The following NUP43 variants were observed in gnomAD, a reference collection of about 807,000 sequenced individuals.
NUP43 encodes the protein nucleoporin 43.
In NUP43, 32 loss-of-function variants were observed where a neutral mutation model predicts 47.3. The observed-to-expected ratio is 0.68, with a 90% CI of 0.51 to 0.91. The LOEUF (loss-of-function observed/expected upper bound fraction) is 0.91. Ranked by LOEUF, NUP43 falls within the 40% of genes least tolerant of loss-of-function variation. The pLI, the probability that NUP43 is intolerant of heterozygous loss-of-function variation, is 0.00. For synonymous variants in NUP43, 147 were observed against 158.4 expected, an observed-to-expected ratio of 0.93 and a Z score of 0.54; for missense variants, 444 against 453.9, an observed-to-expected ratio of 0.98 and a Z score of 0.20.
chr6:149,728,213 C>A, intron 7 of NUP43: 1 of 983,178 alleles, frequency 1.0e-6, no homozygotes, highest in Non-Finnish European at 1.2e-6. Context: ...GAGCAGGATG[C>A]ATATTTTATA....
intron 7 of NUP43, 166 bp from the exon 8 acceptor site, chr6:149,727,364 C>T (rs1275169852): frequency 2.0e-6 from 2 of 982,874 alleles, no homozygotes; most frequent in Admixed American, 1.2e-4. Context: ...GGACCAAAGG[C>T]TTATTCAGTG....
rs1321527927 is a variant in NUP43 at position 149,735,509 on chromosome 6, C to T, written c.790+962G>A. Among the ~76,000 whole-genome samples the T allele has an allele frequency of 9.8e-5, 14 of 143,164 alleles. No homozygotes were observed. The Admixed American group carries it at 1.0e-3, about 11-fold the overall frequency. 93.9% of individuals were successfully genotyped at this position (143,164 alleles called of 152,430 possible). A position where few individuals can be genotyped will look rare whatever the true frequency, so the allele number is the denominator to read the frequency against. ...GCTATGCCCAGCACTTTGGGAGAAT[C>T]GTGTAAGTCCAGGAGTTCAAGGCTG... On this transcript the variant is annotated intron_variant, in intron 6 of 7. Transcript: ENST00000340413.
Position 149,742,405 on chromosome 6 carries a change from C to G in NUP43, c.487G>C (p.Ala163Pro), listed in dbSNP as rs774907550. Residue 163 changes from alanine to proline, a missense_variant, in exon 4 of 8, where the codon GCT becomes CCT. Coordinates refer to ENST00000340413, the MANE Select transcript of NUP43 (RefSeq NM_198887.3). ...TTTTTCTTACCTATGGTTCTTACAG[C>G]TTCCTTGTGATCAGCTCTGAAGAGA... ...INLFRADHKEAVRTIDNADSS... is the reference protein window; with the variant it reads ...INLFRADHKEPVRTIDNADSS... 3.1e-6 allele frequency: 5 copies of G among 1,614,060 alleles called. No individual in the cohort carries two copies. The East Asian group carries it at 1.1e-4, about 36-fold the overall frequency.
upstream of NUP43, among the ~76,000 whole-genome samples, chr6:149,748,769 A>G (rs1313156572): frequency 6.8e-6 from 1 of 146,618 alleles, no homozygotes; most frequent in Non-Finnish European, 1.5e-5. Context: ...AGATCGCGCC[A>G]CTGCACTCCA....
intron 1 of NUP43, 76 bp from the exon 2 acceptor site, chr6:149,746,138 G>A (rs1175200966): frequency 6.6e-7 from 1 of 1,521,402 alleles, no homozygotes; most frequent in Non-Finnish European, 9.0e-7. Context: ...CTCCCGTCCG[G>A]AAATGTTGCT....
chr6:149,743,535 C>T (rs995768155), intron 3 of NUP43, 103 bp downstream of exon 3: 18 of 649,670 alleles, frequency 2.8e-5, no homozygotes, highest in African/African-American at 1.1e-4. Flanking sequence ...GTGGAGGCTG[C>T]GGTGAGCCGA....
intron 3 of NUP43, among the ~76,000 whole-genome samples, chr6:149,743,326 G>A (rs559316254): frequency 2.0e-5 from 3 of 152,198 alleles, no homozygotes; most frequent in East Asian, 1.9e-4. Context: ...TTGGCTGGGC[G>A]CGGTGGCTCA....
Position 149,726,666 on chromosome 6 carries a change from A to G in NUP43, c.*303T>C, listed in dbSNP as rs542987900. 31 of 358,492 alleles carry G rather than the reference A, an allele frequency of 8.6e-5. No homozygotes were observed. The highest frequency in any genetic ancestry group is 1.4e-4 in the Non-Finnish European group (27 of 190,952). 22.2% of individuals were successfully genotyped at this position (358,492 alleles called of 1,614,324 possible). On this transcript the variant is annotated 3_prime_UTR_variant, in exon 8 of 8. Transcript: ENST00000340413. ...GTTAATTCCCACAACATCAAAAATA[A>G]AGAATTAGTTCCACAAGCTGTCTGT...
chr6:149,739,529 C>A (rs771129090), intron 4 of NUP43, among the ~76,000 whole-genome samples: 1 of 152,128 alleles, frequency 6.6e-6, no homozygotes, highest in African/African-American at 2.4e-5. Context: ...TCAGGTGATC[C>A]GCCTCACTCA....
rs542050317 is a variant in NUP43, at chr6:149,735,807, C to A, written c.790+664G>T. Among the ~76,000 whole-genome samples the A allele has an allele frequency of 3.9e-4, 57 of 146,088 alleles. 1 individual carries two copies. Among genetic ancestry groups the A allele is most frequent in the African/African-American group, 6.8e-4 (27 of 39,492 alleles). ...AACCCCATATCTACAAAAAAAAAAACAAACAACAACAAAAAATCAGCTAGG... is the reference window on the plus strand; with the variant it reads ...AACCCCATATCTACAAAAAAAAAAAAAAACAACAACAAAAAATCAGCTAGG... On this transcript the variant is annotated intron_variant, in intron 6 of 7. Transcript: ENST00000340413.
chr6:149,735,619 A>AAC (rs1554246076), intron 6 of NUP43, among the ~76,000 whole-genome samples: 33 of 150,412 alleles, frequency 2.2e-4, no homozygotes, highest in South Asian at 1.1e-3. Context: ...AAAAAAAAAA[A>AAC]ACACACACAG....
chr6:149,736,615 C>A lies in NUP43; in HGVS notation c.646G>T (p.Asp216Tyr). 1 of 1,579,764 alleles carries A rather than the reference C, an allele frequency of 6.3e-7. No homozygotes were observed. Among genetic ancestry groups the A allele is most frequent in the Non-Finnish European group, 8.7e-7 (1 of 1,152,990 alleles). Residue 216 changes from aspartate to tyrosine, a missense_variant, in exon 6 of 8, where the codon GAC becomes TAC. Physicochemically the swap from Asp to Tyr is radical, Grantham distance 160 (BLOSUM62 -3). Transcript: ENST00000340413. ...EPSQILSLTGDRVPLHCVDRH... is the reference protein window; with the variant it reads ...EPSQILSLTGYRVPLHCVDRH... ...TCAACACAGTGGAGTGGCACTCGGT[C>A]ACCAGTCCTTTTGTGGGAGATAACA...
chr6:149,741,795 G>A (rs1047935411), intron 4 of NUP43, among the ~76,000 whole-genome samples: 11 of 151,828 alleles, frequency 7.2e-5, no homozygotes, highest in African/African-American at 1.9e-4. Flanking sequence ...ATGAGCCACC[G>A]TGCCTGGCAG....
At chr6:149,740,992 G>A (rs1366344487) in intron 4 of NUP43, among the ~76,000 whole-genome samples, 1 of 151,676 alleles carries the variant, frequency 6.6e-6, no homozygotes, top group Non-Finnish European at 1.5e-5. Flanking sequence ...TATTACTTAT[G>A]GTCTAGAACC....
upstream of NUP43, among the ~76,000 whole-genome samples, chr6:149,746,832 C>A (rs9767608): frequency 0.013 from 2,008 of 152,246 alleles, 46 homozygotes; most frequent in African/African-American, 0.047. Flanking sequence ...GCAGTAGAAA[C>A]CACCTTGAAA....
Position 149,742,399 on chromosome 6 carries a change from T to G in NUP43, c.493A>C (p.Arg165=). The part of the protein sequence containing the change: ...LFRADHKEAV[R]TIDNADSSTL... ...CTGGGATTTTTCTTACCTATGGTTCTTACAGCTTCCTTGTGATCAGCTCTG... is the reference window on the plus strand; with the variant it reads ...CTGGGATTTTTCTTACCTATGGTTCGTACAGCTTCCTTGTGATCAGCTCTG... The change falls in exon 4 of 8, where the codon AGA becomes CGA. Residue 165 remains arginine, a synonymous_variant. Transcript: ENST00000340413. 1 of 1,614,092 alleles carries G rather than the reference T, an allele frequency of 6.2e-7. No homozygotes were observed. The highest frequency in any genetic ancestry group is 8.5e-7 in the Non-Finnish European group (1 of 1,179,942).
At chr6:149,744,409 A>AC (rs1785849424) in intron 2 of NUP43, among the ~76,000 whole-genome samples, 1 of 151,746 alleles carries the variant, frequency 6.6e-6, no homozygotes, top group Admixed American at 6.6e-5. Context: ...CTGTACTCCC[A>AC]GCTACTCAGG....
intron 7 of NUP43, among the ~76,000 whole-genome samples, chr6:149,729,157 AT>A (rs1361858184): frequency 6.6e-6 from 1 of 151,822 alleles, no homozygotes. Flanking sequence ...CGTTCAGCTA[AT>A]TTTTGTATTT....
At chr6:149,735,112 G>A (rs1178912465) in intron 6 of NUP43, among the ~76,000 whole-genome samples, 3 of 152,072 alleles carry the variant, frequency 2.0e-5, no homozygotes, top group African/African-American at 7.3e-5. Flanking sequence ...GTCCAGGCTG[G>A]AGTGCATAGG....
Sources: gnomAD v4.1 joint callset for allele counts (sites outside exome capture counted in the v4.1 genomes callset) on GRCh38, gnomAD v4.1.1 for gene constraint, MANE v1.5 for transcripts, NCBI Gene and HGNC (gene_info 2026-07-23, HGNC 2026-07-21) for gene names.